The following STK32A variants were observed in gnomAD, a reference collection of about 807,000 sequenced individuals.
STK32A encodes serine/threonine-protein kinase 32A.
Under a neutral mutation model 53.2 loss-of-function variants are expected in STK32A, and 41 were observed. The observed-to-expected ratio is 0.77, with a 90% CI of 0.60 to 1.00. The LOEUF (loss-of-function observed/expected upper bound fraction) is 1.00, where lower values mean the gene tolerates loss of function less well. Ranked by LOEUF, STK32A falls within the 50% of genes least tolerant of loss-of-function variation. STK32A has a pLI of 0.00. For missense variants in STK32A, 458 were observed against 485.8 expected, an observed-to-expected ratio of 0.94 and a Z score of 0.54; for synonymous variants, 166 against 162.8, an observed-to-expected ratio of 1.02 and a Z score of -0.15.
At chr5:147,305,309 C>T (rs1200354572) in intron 4 of STK32A, among the ~76,000 whole-genome samples, 1 of 152,106 alleles carries the variant, frequency 6.6e-6, no homozygotes, top group Non-Finnish European at 1.5e-5. Context: ...AGATAGGTTA[C>T]CACACGGAAA....
chr5:147,397,334 C>T, the STK32A span, among the ~76,000 whole-genome samples: 8 of 151,094 alleles, frequency 5.3e-5, no homozygotes, highest in East Asian at 2.0e-4. Flanking sequence ...TGTGGATTCT[C>T]GGTTCTCACC....
chr5:147,353,355 G>A (rs778298911), intron 7 of STK32A, among the ~76,000 whole-genome samples: 2 of 152,148 alleles, frequency 1.3e-5, no homozygotes, highest in East Asian at 3.9e-4. Context: ...TAAGCAAATA[G>A]GACTAAAACT....
At chr5:147,390,478 C>CAAAAAAA (rs151186049), downstream of STK32A, among the ~76,000 whole-genome samples, 3 of 110,884 alleles carry the variant, frequency 2.7e-5, no homozygotes, top group African/African-American at 9.0e-5. Context: ...GGGGAAAGAC[C>CAAAAAAA]AAAAAAAAAA....
intron 2 of STK32A, among the ~76,000 whole-genome samples, chr5:147,263,964 A>G (rs2895678): frequency 0.3 from 45,048 of 152,012 alleles, 7,042 homozygotes; most frequent in African/African-American, 0.36. Flanking sequence ...ACATCAAAAG[A>G]ATCAGGCATC....
intron 1 of STK32A, among the ~76,000 whole-genome samples, chr5:147,235,827 G>A (rs1381901692): frequency 6.6e-6 from 1 of 152,170 alleles, no homozygotes; most frequent in Non-Finnish European, 1.5e-5. Context: ...AAATCAATTG[G>A]ACTTTAGGAT....
chr5:147,315,676 G>A (rs907555504), intron 4 of STK32A, among the ~76,000 whole-genome samples: 8 of 152,086 alleles, frequency 5.3e-5, no homozygotes, highest in East Asian at 1.9e-4. Flanking sequence ...CATTCTGAAC[G>A]TACATAGTGC....
At chr5:147,278,405 A>G (rs966027126) in intron 3 of STK32A, among the ~76,000 whole-genome samples, 1 of 152,202 alleles carries the variant, frequency 6.6e-6, no homozygotes, top group African/African-American at 2.4e-5. Flanking sequence ...ATCTCATTAA[A>G]CTCAAATCTG....
the STK32A span, chr5:147,399,367 C>T: frequency 7.2e-6 from 9 of 1,246,880 alleles, no homozygotes; most frequent in Non-Finnish European, 8.6e-6. Context: ...AAAGGAGCCA[C>T]CTGAAAAGCT....
At chr5:147,380,978 C>T (rs1247739787) in intron 11 of STK32A, among the ~76,000 whole-genome samples, 2 of 151,984 alleles carry the variant, frequency 1.3e-5, no homozygotes, top group Non-Finnish European at 2.9e-5. Context: ...CGTGATTGTC[C>T]GATGTATTTA....
At chr5:147,371,538 A>G (rs1220050183) in intron 9 of STK32A, among the ~76,000 whole-genome samples, 1 of 152,108 alleles carries the variant, frequency 6.6e-6, no homozygotes, top group Non-Finnish European at 1.5e-5. Flanking sequence ...CTCCAATCCT[A>G]GTTCCTCCAG....
At chr5:147,276,661 CAGA>C (rs1344782533) in intron 2 of STK32A, among the ~76,000 whole-genome samples, 2 of 152,142 alleles carry the variant, frequency 1.3e-5, no homozygotes, top group Non-Finnish European at 2.9e-5. Flanking sequence ...CCAGGGTGAG[CAGA>C]AGGACATATC....
chr5:147,308,551 G>T (rs1217309963), intron 4 of STK32A, among the ~76,000 whole-genome samples: 2 of 152,040 alleles, frequency 1.3e-5, no homozygotes, highest in African/African-American at 4.8e-5. Flanking sequence ...TATTGCACAT[G>T]CATTGAGAAC....
rs1757561011 is a variant in STK32A at position 147,384,105 on chromosome 5, A to G, written c.*122A>G. 10 of 1,491,902 alleles carry G rather than the reference A, an allele frequency of 6.7e-6. No homozygotes were observed. The South Asian group carries it at 1.1e-4, about 16-fold the overall frequency. 92.4% of individuals were successfully genotyped at this position (1,491,902 alleles called of 1,614,324 possible). A position where few individuals can be genotyped will look rare whatever the true frequency, so the allele number is the denominator to read the frequency against. On this transcript the variant is annotated 3_prime_UTR_variant, in exon 13 of 13. Transcript: ENST00000397936. Reference sequence around the variant, plus strand: ...CATGACTTAGAAAATGTGAATGAATATATTTCAAAAAAGGCAGCACAACAC... The same window carrying G: ...CATGACTTAGAAAATGTGAATGAATGTATTTCAAAAAAGGCAGCACAACAC...
At chr5:147,259,858 C>CTGT (rs1754424006) in intron 2 of STK32A, among the ~76,000 whole-genome samples, 1 of 137,526 alleles carries the variant, frequency 7.3e-6, no homozygotes, top group African/African-American at 2.8e-5. Context: ...CTCCTCTCTC[C>CTGT]CTCTCTTCTG....
chr5:147,279,286 G>T lies in STK32A; in HGVS notation c.148G>T (p.Ala50Ser). 3 of 1,613,826 alleles carry T rather than the reference G, an allele frequency of 1.9e-6. No homozygotes were observed. Among genetic ancestry groups the T allele is most frequent in the Non-Finnish European group, 1.7e-6 (2 of 1,179,806 alleles). Residue 50 changes from alanine to serine, a missense_variant, in exon 4 of 13, where the codon GCA becomes TCA. Physicochemically the swap from Ala to Ser is moderately conservative, Grantham distance 99. Transcript: ENST00000397936. ...VQKNDTKKMYAMKYMNKQKCV... is the reference protein window; with the variant it reads ...VQKNDTKKMYSMKYMNKQKCV... ...GAAGAATGATACCAAGAAGATGTAC[G>T]CAATGAAGTACATGAATAAACAAAA...
intron 4 of STK32A, among the ~76,000 whole-genome samples, chr5:147,317,162 T>G (rs1260753252): frequency 7.1e-6 from 1 of 140,164 alleles, no homozygotes; most frequent in Non-Finnish European, 1.6e-5. Context: ...AAAAAAAAAA[T>G]CTAACCTAAA....
intron 4 of STK32A, among the ~76,000 whole-genome samples, chr5:147,290,356 C>T (rs950102536): frequency 2.0e-5 from 3 of 152,222 alleles, no homozygotes; most frequent in Middle Eastern, 3.4e-3. Flanking sequence ...TGGCTACACT[C>T]AGGAACAGTC....
chr5:147,377,055 T>C (rs1428689813), intron 11 of STK32A, among the ~76,000 whole-genome samples: 3 of 152,178 alleles, frequency 2.0e-5, no homozygotes, highest in African/African-American at 7.2e-5. Context: ...ATGTTTCTTC[T>C]TTTTTAATAT....
chr5:147,300,947 G>C, intron 4 of STK32A, among the ~76,000 whole-genome samples: 1 of 152,080 alleles, frequency 6.6e-6, no homozygotes, highest in East Asian at 1.9e-4. Flanking sequence ...CTGGCACAGG[G>C]GCCAAGGGAA....
Sources: allele counts gnomAD v4.1 joint callset (sites outside exome capture counted in the v4.1 genomes callset), GRCh38; gene constraint gnomAD v4.1.1; transcripts MANE v1.5; gene names NCBI Gene and HGNC (gene_info 2026-07-23, HGNC 2026-07-21).